Variants in KLF12 observed in about 807,000 individuals in gnomAD.
The protein encoded by KLF12 is KLF transcription factor 12.
In KLF12, 9 loss-of-function variants were observed where a neutral mutation model predicts 37.8. That is an observed-to-expected ratio of 0.24 (90% confidence interval 0.14 to 0.42). KLF12 has a LOEUF of 0.42. Ranked by LOEUF, KLF12 falls within the 10% of genes least tolerant of loss-of-function variation. The pLI is 1.00. For synonymous variants in KLF12, 208 were observed against 202.1 expected (o/e 1.03, Z -0.25); for missense variants, 411 against 516.0 (o/e 0.80, Z 1.97).
intron 3 of KLF12, among the ~76,000 whole-genome samples, chr13:73,870,592 T>G (rs1223069536): frequency 6.6e-6 from 1 of 152,212 alleles, no homozygotes; most frequent in Non-Finnish European, 1.5e-5. Context: ...AAAGCAATAC[T>G]TGTGTCCTCA....
intron 5 of KLF12, among the ~76,000 whole-genome samples, chr13:73,768,211 A>T (rs528871939): frequency 2.0e-5 from 3 of 152,160 alleles, no homozygotes; most frequent in Non-Finnish European, 2.9e-5. Context: ...TGGAGGTAAT[A>T]ATGGGGCCTA....
At chr13:73,816,495 T>A (rs988331361) in intron 4 of KLF12, among the ~76,000 whole-genome samples, 10 of 152,246 alleles carry the variant, frequency 6.6e-5, no homozygotes, top group African/African-American at 2.4e-4. Flanking sequence ...GAATCCTACG[T>A]GAGTTTCATT....
chr13:73,894,645 T>G (rs1163041841), intron 3 of KLF12, among the ~76,000 whole-genome samples: 3 of 152,224 alleles, frequency 2.0e-5, no homozygotes, highest in Admixed American at 2.0e-4. Context: ...AAATGTTCAT[T>G]TCATTTTATT....
chr13:73,997,638 C>T (rs776552521), intron 1 of KLF12, among the ~76,000 whole-genome samples: 6 of 152,002 alleles, frequency 3.9e-5, no homozygotes, highest in Non-Finnish European at 7.4e-5. Context: ...CATCAATTTC[C>T]GAATTAAATT....
the KLF12 span, among the ~76,000 whole-genome samples, chr13:74,189,367 A>G: frequency 6.6e-6 from 1 of 152,212 alleles, no homozygotes; most frequent in Non-Finnish European, 1.5e-5. Context: ...AAGAACGTCT[A>G]TATCTGGTAC....
At chr13:73,953,701 T>G (rs928369584) in intron 2 of KLF12, among the ~76,000 whole-genome samples, 5 of 152,180 alleles carry the variant, frequency 3.3e-5, no homozygotes, top group African/African-American at 9.7e-5. Flanking sequence ...TTCAAGTTGC[T>G]CCTTATCAAA....
chr13:73,825,102 G>T (rs1009795153), intron 4 of KLF12, among the ~76,000 whole-genome samples: 1 of 151,940 alleles, frequency 6.6e-6, no homozygotes, highest in African/African-American at 2.4e-5. Context: ...TGCATTCTCT[G>T]TGTTTTGGAG....
intron 1 of KLF12, among the ~76,000 whole-genome samples, chr13:74,030,600 C>A (rs1262124471): frequency 6.6e-6 from 1 of 152,054 alleles, no homozygotes; most frequent in South Asian, 2.1e-4. Flanking sequence ...TGGCCCCCAT[C>A]CAAGAGAAAA....
chr13:73,701,425 TC>T (rs1321506686), intron 7 of KLF12, among the ~76,000 whole-genome samples: 1 of 152,220 alleles, frequency 6.6e-6, no homozygotes, highest in African/African-American at 2.4e-5. Flanking sequence ...CTACCTACCT[TC>T]TTTGCTTCTT....
chr13:74,135,599 G>A (rs1042990353), upstream of KLF12, among the ~76,000 whole-genome samples: 3 of 151,238 alleles, frequency 2.0e-5, no homozygotes, highest in Non-Finnish European at 3.0e-5. Flanking sequence ...GCGGCCGGGC[G>A]GGCGGGGCGC....
intron 4 of KLF12, among the ~76,000 whole-genome samples, chr13:73,824,929 C>T (rs979423090): frequency 2.6e-5 from 4 of 151,946 alleles, no homozygotes; most frequent in Non-Finnish European, 2.9e-5. Context: ...ATTAGCCAGG[C>T]GTGGTGGCGT....
rs758302098 is a variant in KLF12 at position 73,919,960 on chromosome 13, G to A, written c.123+24021C>T. ...TTCTCAACTTATAGAAAGGAAGTCC[G>A]GCCAGCAGCATTAGTTACCCCGCAT... On this transcript the variant is annotated intron_variant, in intron 3 of 7. Transcript: ENST00000377669. Among the ~76,000 whole-genome samples the A allele has an allele frequency of 3.1e-4, 47 of 152,068 alleles. 1 individual carries two copies. The highest frequency in any genetic ancestry group is 6.8e-3 in the Middle Eastern group (2 of 294).
At chr13:73,909,196 G>C (rs1256900335) in intron 3 of KLF12, among the ~76,000 whole-genome samples, 2 of 152,114 alleles carry the variant, frequency 1.3e-5, no homozygotes, top group African/African-American at 4.8e-5. Flanking sequence ...CCAGCCCAAG[G>C]TATCCAAAGT....
the KLF12 span, among the ~76,000 whole-genome samples, chr13:74,143,557 T>C: frequency 3.3e-5 from 5 of 152,218 alleles, no homozygotes; most frequent in South Asian, 6.2e-4. Flanking sequence ...AGCTATACTA[T>C]TGCTTTCATA....
At chr13:73,931,983 G>A (rs1197525331) in intron 3 of KLF12, among the ~76,000 whole-genome samples, 1 of 150,646 alleles carries the variant, frequency 6.6e-6, no homozygotes, top group African/African-American at 2.4e-5. Flanking sequence ...ATGCACAGTT[G>A]CATTAATTTA....
chr13:74,281,172 T>C, the KLF12 span, among the ~76,000 whole-genome samples: 2 of 152,188 alleles, frequency 1.3e-5, no homozygotes, highest in African/African-American at 4.8e-5. Flanking sequence ...TCTCTATTTT[T>C]TTTTAAAAAG....
At chr13:74,014,931 T>G (rs1892648979) in intron 1 of KLF12, among the ~76,000 whole-genome samples, 1 of 152,188 alleles carries the variant, frequency 6.6e-6, no homozygotes, top group Non-Finnish European at 1.5e-5. Flanking sequence ...CCATGGTTAA[T>G]TCAATAGCAA....
At chr13:74,063,095 G>A (rs984321562) in intron 1 of KLF12, among the ~76,000 whole-genome samples, 1 of 152,150 alleles carries the variant, frequency 6.6e-6, no homozygotes, top group Non-Finnish European at 1.5e-5. Context: ...ACCTCCAGCT[G>A]CCTCGGTGCA....
chr13:74,013,120 G>A (rs1232234548), intron 1 of KLF12, among the ~76,000 whole-genome samples: 2 of 152,226 alleles, frequency 1.3e-5, no homozygotes, highest in Non-Finnish European at 2.9e-5. Flanking sequence ...GGCCCCTCAT[G>A]GGAACGGATT....
Sources: gnomAD v4.1 joint callset for allele counts (sites outside exome capture counted in the v4.1 genomes callset) on GRCh38, gnomAD v4.1.1 for gene constraint, MANE v1.5 for transcripts, NCBI Gene and HGNC (gene_info 2026-07-23, HGNC 2026-07-21) for gene names.